HSD17B2: variants seen among roughly 807,000 people sequenced by gnomAD.
The protein encoded by HSD17B2 is hydroxysteroid 17-beta dehydrogenase 2.
A neutral mutation model predicts 26.9 loss-of-function variants in HSD17B2; 32 were observed. The ratio of observed to expected loss-of-function variants is 1.19; its 90% CI spans 0.90 to 1.60. HSD17B2 has a LOEUF of 1.60. HSD17B2 is among the 40% of genes most tolerant of loss of function. HSD17B2 has a pLI of 0.00. For synonymous variants in HSD17B2, 246 were observed against 186.7 expected (o/e 1.32, Z -2.59); for missense variants, 613 against 468.6 (o/e 1.31, Z -2.85).
intron 1 of HSD17B2, chr16:82,063,401 G>C (rs547885798): frequency 6.6e-6 from 1 of 152,346 alleles, no homozygotes; most frequent in South Asian, 2.1e-4. Flanking sequence ...AGCAGAGGCA[G>C]AGAGTAATTA....
chr16:82,039,509 C>T (rs989000177), intron 1 of HSD17B2, among the ~76,000 whole-genome samples: 3 of 152,062 alleles, frequency 2.0e-5, no homozygotes, highest in African/African-American at 7.2e-5. Context: ...TCATTGAGGG[C>T]CCAGTATGTG....
chr16:82,077,188 C>T (rs764551362), intron 3 of HSD17B2, among the ~76,000 whole-genome samples: 5 of 152,102 alleles, frequency 3.3e-5, no homozygotes, highest in Non-Finnish European at 5.9e-5. Context: ...TATGGAACCA[C>T]AAAAGACTCA....
chr16:82,068,490 C>T, intron 2 of HSD17B2, 108 bp downstream of exon 2: 1 of 894,028 alleles, frequency 1.1e-6, no homozygotes. Context: ...CACTGTTTGC[C>T]CTGAAGCACA....
chr16:82,045,189 G>A (rs1222788540), intron 1 of HSD17B2, among the ~76,000 whole-genome samples: 3 of 151,576 alleles, frequency 2.0e-5, no homozygotes, highest in Admixed American at 6.6e-5. Flanking sequence ...AGCGGATGCT[G>A]TGTCTAAACT....
intron 1 of HSD17B2, chr16:82,056,516 A>G (rs1027064779): frequency 4.6e-5 from 7 of 152,202 alleles, no homozygotes; most frequent in Admixed American, 3.3e-4. Flanking sequence ...AAAATCAGGT[A>G]AAACGGATCT....
chr16:82,072,621 T>G (rs971303779), intron 3 of HSD17B2, among the ~76,000 whole-genome samples: 1 of 152,164 alleles, frequency 6.6e-6, no homozygotes, highest in African/African-American at 2.4e-5. Flanking sequence ...TGAGTTCACT[T>G]TAGTTATTGC....
At chr16:82,072,619 C>G (rs1024674634) in intron 3 of HSD17B2, among the ~76,000 whole-genome samples, 1 of 152,148 alleles carries the variant, frequency 6.6e-6, no homozygotes, top group African/African-American at 2.4e-5. Context: ...TATGAGTTCA[C>G]TTTAGTTATT....
chr16:82,078,878 T>C (rs181597581), intron 3 of HSD17B2, among the ~76,000 whole-genome samples: 1 of 151,944 alleles, frequency 6.6e-6, no homozygotes, highest in Non-Finnish European at 1.5e-5. Context: ...CTGGGAAGAG[T>C]AGTGGAGAGG....
chr16:82,069,746 A>T (rs567904577), intron 2 of HSD17B2, among the ~76,000 whole-genome samples: 55 of 152,204 alleles, frequency 3.6e-4, no homozygotes, highest in Non-Finnish European at 7.5e-4. Flanking sequence ...AGGATGGGCT[A>T]TGTAACTAAC....
intron 1 of HSD17B2, among the ~76,000 whole-genome samples, chr16:82,039,414 G>C (rs1335994622): frequency 6.6e-6 from 1 of 151,764 alleles, no homozygotes; most frequent in Non-Finnish European, 1.5e-5. Flanking sequence ...TGAGTAGTTA[G>C]GAAGAACATG....
intron 2 of HSD17B2, 82 bp downstream of exon 2, chr16:82,068,464 C>T (rs1317333657): frequency 1.8e-6 from 2 of 1,141,664 alleles, no homozygotes; most frequent in East Asian, 2.5e-5. Flanking sequence ...AACATGCCCC[C>T]CCACTCCACT....
intron 1 of HSD17B2, among the ~76,000 whole-genome samples, chr16:82,046,541 G>A (rs1037971375): frequency 6.6e-6 from 1 of 152,038 alleles, no homozygotes; most frequent in African/African-American, 2.4e-5. Context: ...TGAGGAACAT[G>A]GTAAAACCCC....
chr16:82,091,576 G>C (rs1281341777), intron 4 of HSD17B2: 1 of 162,952 alleles, frequency 6.1e-6, no homozygotes, highest in African/African-American at 2.4e-5. Flanking sequence ...GGGATGTCTT[G>C]GATAGAACAA....
chr16:82,036,208 G>C (rs1304514752), intron 1 of HSD17B2, among the ~76,000 whole-genome samples: 1 of 152,084 alleles, frequency 6.6e-6, no homozygotes, highest in Non-Finnish European at 1.5e-5. Flanking sequence ...AGAACCTTGT[G>C]TCCTGTCTGA....
intron 1 of HSD17B2, among the ~76,000 whole-genome samples, chr16:82,045,598 T>C (rs1414045493): frequency 6.6e-6 from 1 of 152,258 alleles, no homozygotes; most frequent in African/African-American, 2.4e-5. Flanking sequence ...GAGTTCTGCC[T>C]TCTGGGCCAT....
At chr16:82,072,996 G>C (rs906892745) in intron 3 of HSD17B2, among the ~76,000 whole-genome samples, 2 of 152,294 alleles carry the variant, frequency 1.3e-5, no homozygotes, top group East Asian at 3.9e-4. Flanking sequence ...GGGAGGTTAA[G>C]ACTGCAGTAA....
chr16:82,066,293 G>C (rs1357315389), intron 1 of HSD17B2, among the ~76,000 whole-genome samples: 1 of 152,162 alleles, frequency 6.6e-6, no homozygotes, highest in Non-Finnish European at 1.5e-5. Context: ...GAAGGAAGGA[G>C]ATGGAGCAAA....
chr16:82,051,233 G>C (rs748961280), intron 1 of HSD17B2, among the ~76,000 whole-genome samples: 1 of 152,112 alleles, frequency 6.6e-6, no homozygotes, highest in Admixed American at 6.6e-5. Flanking sequence ...CATTGCGTAC[G>C]GCTCCTGGTA....
At chr16:82,042,682 C>A (rs1913799601) in intron 1 of HSD17B2, among the ~76,000 whole-genome samples, 1 of 152,004 alleles carries the variant, frequency 6.6e-6, no homozygotes, top group African/African-American at 2.4e-5. Flanking sequence ...AGTGCAATGG[C>A]ACGATCTCGG....
Sources: gnomAD v4.1 joint callset for allele counts (sites outside exome capture counted in the v4.1 genomes callset) on GRCh38, gnomAD v4.1.1 for gene constraint, MANE v1.5 for transcripts, NCBI Gene and HGNC (gene_info 2026-07-23, HGNC 2026-07-21) for gene names.